PEBP4: variants seen among roughly 807,000 people sequenced by gnomAD.
PEBP4 encodes the protein phosphatidylethanolamine-binding protein 4.
In PEBP4, 22 loss-of-function variants were observed where a neutral mutation model predicts 23.9. The ratio of observed to expected loss-of-function variants is 0.92; its 90% CI spans 0.66 to 1.31. The LOEUF is 1.31. Among genes scored for constraint, PEBP4 ranks in the 40% most tolerant of loss-of-function variants. The pLI is 0.00. For synonymous variants in PEBP4, 112 were observed against 99.3 expected (o/e 1.13, Z -0.76); for missense variants, 324 against 281.7 (o/e 1.15, Z -1.07).
chr8:22,755,973 G>C (rs1805371788), intron 4 of PEBP4: 1 of 152,220 alleles, frequency 6.6e-6, no homozygotes, highest in African/African-American at 2.4e-5. Flanking sequence ...CATCTTTGAA[G>C]CTCCTGCAAT....
chr8:22,858,814 G>A (rs918208646), intron 3 of PEBP4, among the ~76,000 whole-genome samples: 8 of 152,210 alleles, frequency 5.3e-5, no homozygotes, highest in Non-Finnish European at 7.3e-5. Context: ...GGGCATGGTA[G>A]CGGGTGCCTG....
intron 4 of PEBP4, among the ~76,000 whole-genome samples, chr8:22,730,861 A>G (rs1046265761): frequency 6.6e-6 from 1 of 152,198 alleles, no homozygotes; most frequent in African/African-American, 2.4e-5. Flanking sequence ...TATTGATTCT[A>G]TGGTAGAAAT....
intron 4 of PEBP4, among the ~76,000 whole-genome samples, chr8:22,801,427 G>C (rs1203405086): frequency 6.6e-6 from 1 of 152,152 alleles, no homozygotes; most frequent in Non-Finnish European, 1.5e-5. Context: ...GAGCAAAGAG[G>C]TCCCTGCTTC....
intron 3 of PEBP4, among the ~76,000 whole-genome samples, chr8:22,847,285 A>T (rs1585304551): frequency 6.6e-6 from 1 of 152,334 alleles, no homozygotes; most frequent in East Asian, 1.9e-4. Context: ...ACCCTGGCAT[A>T]CAACGCTTTA....
chr8:22,893,457 A>G (rs1808533755), intron 3 of PEBP4, among the ~76,000 whole-genome samples: 1 of 152,222 alleles, frequency 6.6e-6, no homozygotes, highest in Non-Finnish European at 1.5e-5. Context: ...TAACAAGGAC[A>G]AAAAACAATC....
chr8:22,936,032 A>G (rs1366293296), intron 1 of PEBP4, among the ~76,000 whole-genome samples: 1 of 151,366 alleles, frequency 6.6e-6, no homozygotes, highest in Admixed American at 6.6e-5. Flanking sequence ...AAAAAAAAAA[A>G]GAACAAGATA....
At chr8:22,932,566 T>A (rs1265764845), upstream of PEBP4, among the ~76,000 whole-genome samples, 1 of 151,994 alleles carries the variant, frequency 6.6e-6, no homozygotes, top group Admixed American at 6.6e-5. Context: ...GAGAATTGGA[T>A]GAACTAACTT....
chr8:22,904,854 C>G (rs1341492304), intron 3 of PEBP4, among the ~76,000 whole-genome samples: 1 of 152,150 alleles, frequency 6.6e-6, no homozygotes, highest in East Asian at 1.9e-4. Flanking sequence ...ATGGATAGAG[C>G]ACATTTTATT....
intron 3 of PEBP4, among the ~76,000 whole-genome samples, chr8:22,919,605 T>C (rs933132598): frequency 6.6e-6 from 1 of 152,234 alleles, no homozygotes; most frequent in African/African-American, 2.4e-5. Flanking sequence ...AAAATAGTTA[T>C]TTCCAGTTCC....
At chr8:22,803,669 T>A (rs1057089704) in intron 4 of PEBP4, among the ~76,000 whole-genome samples, 2 of 151,720 alleles carry the variant, frequency 1.3e-5, no homozygotes, top group African/African-American at 4.8e-5. Context: ...AACTAAAAAA[T>A]AATAATAAAA....
chr8:22,938,958 G>A (rs776933975), intron 1 of PEBP4, among the ~76,000 whole-genome samples: 11 of 152,228 alleles, frequency 7.2e-5, no homozygotes, highest in Non-Finnish European at 1.5e-4. Flanking sequence ...GTCCTACTTA[G>A]AGACAGAGAA....
chr8:22,820,470 T>TC (rs1011142902), intron 3 of PEBP4, among the ~76,000 whole-genome samples: 1 of 152,152 alleles, frequency 6.6e-6, no homozygotes, highest in African/African-American at 2.4e-5. Context: ...GTCCTGGCCC[T>TC]CCCCTTGACC....
Position 22,744,822 on chromosome 8 carries a change from G to C in PEBP4, c.358-17602C>G, listed in dbSNP as rs529735326. 7 of 152,308 alleles carry C rather than the reference G, an allele frequency of 4.6e-5. No individual in the cohort carries two copies. The East Asian group carries it at 1.2e-3, about 25-fold the overall frequency. 9.4% of individuals were successfully genotyped at this position (152,308 alleles called of 1,614,324 possible). On this transcript the variant is annotated intron_variant, in intron 4 of 6. Transcript: ENST00000256404. ...CCGTATCCAGCACTCTCCACTCTAG[G>C]GGTTTCAGGCCCTTGTGCACTGCTG...
chr8:22,909,012 CAG>C (rs763611380), intron 3 of PEBP4, among the ~76,000 whole-genome samples: 28 of 152,300 alleles, frequency 1.8e-4, no homozygotes, highest in Admixed American at 4.6e-4. Context: ...GCAGGGGTTG[CAG>C]AGAGAGGTGA....
At chr8:22,940,376 A>G (rs984124695) in intron 1 of PEBP4, among the ~76,000 whole-genome samples, 3 of 152,226 alleles carry the variant, frequency 2.0e-5, no homozygotes, top group African/African-American at 7.2e-5. Flanking sequence ...TTTGAGGCTC[A>G]TAGATAGGCA....
chr8:22,755,396 C>T (rs911473872), intron 4 of PEBP4, among the ~76,000 whole-genome samples: 3 of 134,530 alleles, frequency 2.2e-5, no homozygotes, highest in Non-Finnish European at 4.5e-5. Context: ...CGCGCAGTGG[C>T]GTGATCTCGG....
intron 3 of PEBP4, among the ~76,000 whole-genome samples, chr8:22,856,264 A>G (rs1585308922): frequency 1.3e-5 from 2 of 152,216 alleles, no homozygotes; most frequent in South Asian, 4.1e-4. Flanking sequence ...ATGAAAAAAT[A>G]ACCAGCCTAA....
intron 4 of PEBP4, among the ~76,000 whole-genome samples, chr8:22,817,199 C>T (rs1806762488): frequency 6.6e-6 from 1 of 152,184 alleles, no homozygotes; most frequent in Admixed American, 6.5e-5. Context: ...GGAGGAGCTC[C>T]AGGACTTCTC....
intron 3 of PEBP4, among the ~76,000 whole-genome samples, chr8:22,900,193 C>T (rs557971868): frequency 5.3e-5 from 8 of 152,102 alleles, no homozygotes; most frequent in African/African-American, 1.7e-4. Flanking sequence ...AATGACTTAT[C>T]GGGAGGTCAC....
Sources: allele counts gnomAD v4.1 joint callset (sites outside exome capture counted in the v4.1 genomes callset), GRCh38; gene constraint gnomAD v4.1.1; transcripts MANE v1.5; gene names NCBI Gene and HGNC (gene_info 2026-07-23, HGNC 2026-07-21).